SIN3B: variants seen among roughly 807,000 people sequenced by gnomAD.
SIN3B encodes the protein SIN3 transcription regulator family member B, also known as paired amphipathic helix protein Sin3b.
In SIN3B, 19 loss-of-function variants were observed where a neutral mutation model predicts 120.2. The observed-to-expected ratio is 0.16, with a 90% CI of 0.11 to 0.23. The LOEUF (loss-of-function observed/expected upper bound fraction) is 0.23, where lower values mean the gene tolerates loss of function less well. SIN3B is among the 10% of genes least tolerant of loss of function. The pLI is 1.00. For missense variants in SIN3B, 1,073 were observed against 1,573.0 expected, an observed-to-expected ratio of 0.68 and a Z score of 5.38; for synonymous variants, 654 against 653.2, an observed-to-expected ratio of 1.00 and a Z score of -0.02.
intron 14 of SIN3B, among the ~76,000 whole-genome samples, chr19:16,875,486 GGGTCTGGTCTGGTTTGGTCT>G (rs2051584348): frequency 7.4e-6 from 1 of 135,902 alleles, no homozygotes; most frequent in Non-Finnish European, 1.6e-5. Flanking sequence ...GGTCTGGTTT[GGGTCTGGTCTGGTTTGGTCT>G]GGTCTGGTCT....
intron 7 of SIN3B, among the ~76,000 whole-genome samples, chr19:16,853,360 G>T (rs138160277): frequency 6.6e-6 from 1 of 152,386 alleles, no homozygotes; most frequent in South Asian, 2.1e-4. Context: ...ACTGTGGGCA[G>T]GAGTCCCAGT....
intron 3 of SIN3B, among the ~76,000 whole-genome samples, chr19:16,836,521 GAAAA>G (rs1202675798): frequency 6.6e-6 from 1 of 152,198 alleles, no homozygotes; most frequent in African/African-American, 2.4e-5. Context: ...AAACGGCTAG[GAAAA>G]GAAGTTCAGA....
At chr19:16,857,547 G>A (rs1273720100) in intron 8 of SIN3B, among the ~76,000 whole-genome samples, 3 of 144,362 alleles carry the variant, frequency 2.1e-5, no homozygotes, top group African/African-American at 5.3e-5. Context: ...GTGTGTGTGT[G>A]TGTGTGTATA....
intron 7 of SIN3B, 67 bp downstream of exon 7, chr19:16,853,225 GGCCTGCCCCA>G (rs1281831117): frequency 2.1e-6 from 3 of 1,457,788 alleles, no homozygotes; most frequent in Non-Finnish European, 2.9e-6. Flanking sequence ...ATGCTCCCTG[GGCCTGCCCCA>G]GGATTGGGGC....
chr19:16,849,668 T>C lies in SIN3B; in HGVS notation c.727-1744T>C, dbSNP rs552020649. 3.9e-5 allele frequency among the ~76,000 whole-genome samples: 6 copies of C among 152,356 alleles called. No individual in the cohort carries two copies. In the South Asian group the frequency reaches 1.2e-3, roughly 32 times the overall value. On this transcript the variant is annotated intron_variant, in intron 5 of 18. Transcript: ENST00000248054. The stretch of plus-strand genomic sequence containing the variant: ...ATGTGAACTGTTGGGGAAGATCTGC[T>C]ATACCTGCTTGGTGAGCTTGGCTGG...
At chr19:16,829,610 A>G (rs1971251184) in intron 1 of SIN3B, 70 bp downstream of exon 1, 9 of 1,174,288 alleles carry the variant, frequency 7.7e-6, no homozygotes, top group Non-Finnish European at 9.5e-6. Context: ...CCCCTCACCC[A>G]GGCCCCGCCC....
In SIN3B at chr19:16,857,516, T is replaced by TA. The variant is rs1433494275; in HGVS notation, c.1058+3256dup. Among the ~76,000 whole-genome samples the TA allele has an allele frequency of 2.4e-5, 3 of 123,366 alleles. No individual in the cohort carries two copies. In the South Asian group the frequency reaches 7.7e-4, roughly 32 times the overall value. The allele number at this position is 123,366 out of a possible 152,430, so 80.9% of individuals were successfully genotyped here. On this transcript the variant is annotated intron_variant, in intron 8 of 18. Transcript: ENST00000248054. ...CCCTTTTGCATTAACTTAAAAAAAA[T>TA]ATGTGTGTGTGTGTGTGTGTGTGTG...
chr19:16,833,075 G>C (rs2144571764), intron 3 of SIN3B, among the ~76,000 whole-genome samples: 1 of 152,236 alleles, frequency 6.6e-6, no homozygotes, highest in East Asian at 1.9e-4. Context: ...GTGTCTCCCT[G>C]GGGGGCAAAA....
chr19:16,874,952 G>C (rs2144629712), intron 14 of SIN3B, among the ~76,000 whole-genome samples: 1 of 150,834 alleles, frequency 6.6e-6, no homozygotes, highest in East Asian at 2.0e-4. Flanking sequence ...GATCTGATCT[G>C]GTCTGGTTTT....
At chr19:16,872,789 G>A (rs1414690517) in intron 14 of SIN3B, 2 of 152,184 alleles carry the variant, frequency 1.3e-5, no homozygotes, top group Non-Finnish European at 2.9e-5. Context: ...GCCTCGAGCT[G>A]TGTGTTAACA....
At chr19:16,867,777 C>T (rs1971797848) in intron 12 of SIN3B, among the ~76,000 whole-genome samples, 1 of 152,180 alleles carries the variant, frequency 6.6e-6, no homozygotes, top group African/African-American at 2.4e-5. Flanking sequence ...GTGGGGACCC[C>T]CTTCCCTCCC....
intron 4 of SIN3B, among the ~76,000 whole-genome samples, chr19:16,842,657 C>T (rs1193160756): frequency 6.6e-6 from 1 of 152,110 alleles, no homozygotes; most frequent in East Asian, 1.9e-4. Context: ...GGGCCCAGCA[C>T]CAGGAGCTGG....
intron 14 of SIN3B, among the ~76,000 whole-genome samples, chr19:16,874,107 T>TC (rs755534294): frequency 6.6e-6 from 1 of 152,204 alleles, no homozygotes; most frequent in Non-Finnish European, 1.5e-5. Flanking sequence ...ATTCCTTCCT[T>TC]CTTCAGTGCA....
chr19:16,862,835 T>C lies in SIN3B; in HGVS notation c.1266+276T>C, dbSNP rs370473318. 13 of 1,404,658 alleles carry C rather than the reference T, an allele frequency of 9.3e-6. No homozygotes were observed. In the African/African-American group the frequency reaches 1.7e-4, roughly 18 times the overall value. 87.0% of individuals were successfully genotyped at this position (1,404,658 alleles called of 1,614,324 possible). ...ATTTGACTTAGGTTTATTGCTGCCA[T>C]GATTCTGCTCTGTCCCGGGCTCACT... On this transcript the variant is annotated intron_variant, in intron 9 of 18. Coordinates refer to ENST00000248054, the MANE Select transcript of SIN3B (RefSeq NM_001297595.2). This position sits in a 1 kb window ranked among gnomAD's most constrained non-coding sequence, Gnocchi z 4.7.
chr19:16,871,394 G>A lies in SIN3B; in HGVS notation c.2588G>A (p.Arg863Gln), dbSNP rs2051509003. Reference protein sequence around the residue: ...TMDKLVQNIARQLHHLVSDDV... With the variant: ...TMDKLVQNIAQQLHHLVSDDV... ...GACAAGCTGGTGCAGAACATTGCGCGGCAGGTGAGCCGGGCCGGGGTGGGG... is the reference window on the plus strand; with the variant it reads ...GACAAGCTGGTGCAGAACATTGCGCAGCAGGTGAGCCGGGCCGGGGTGGGG... The change falls in exon 14 of 19, where the codon CGG becomes CAG. Residue 863 changes from arginine to glutamine, a missense_variant. Physicochemically the swap from Arg to Gln is conservative, Grantham distance 43. Transcript: ENST00000248054. The A allele has an allele frequency of 6.2e-7, 1 of 1,602,174 alleles. No individual in the cohort carries two copies. Among genetic ancestry groups the A allele is most frequent in the Non-Finnish European group, 8.5e-7 (1 of 1,173,056 alleles).
intron 8 of SIN3B, 159 bp downstream of exon 8, chr19:16,854,420 G>T (rs947990604): frequency 1.2e-5 from 7 of 589,418 alleles, no homozygotes; most frequent in Middle Eastern, 4.4e-4. Context: ...CCATGCATTT[G>T]TAAGGAGCAA....
rs564410244 is a variant in SIN3B, at chr19:16,842,097, G to T, written c.582+129G>T. 18 of 896,192 alleles carry T rather than the reference G, an allele frequency of 2.0e-5. No homozygotes were observed. In the African/African-American group the frequency reaches 2.7e-4, roughly 14 times the overall value. 55.5% of individuals were successfully genotyped at this position (896,192 alleles called of 1,614,324 possible). A position where few individuals can be genotyped will look rare whatever the true frequency, so the allele number is the denominator to read the frequency against. On this transcript the variant is annotated intron_variant, in intron 4 of 18. Coordinates refer to ENST00000248054, the MANE Select transcript of SIN3B (RefSeq NM_001297595.2). ...ATTCTAATTAGTTGTGGGGTTTTTT[G>T]TTTGTTTTTTCTTAGAGTCTGGCTC... is the stretch of plus-strand genomic sequence containing the variant.
At chr19:16,853,929 C>T (rs1214518865) in intron 7 of SIN3B, among the ~76,000 whole-genome samples, 6 of 148,650 alleles carry the variant, frequency 4.0e-5, no homozygotes, top group Non-Finnish European at 7.4e-5. Context: ...ATTATGTGCA[C>T]GGGCTGTGAA....
intron 9 of SIN3B, chr19:16,863,057 C>A (rs924844273): frequency 1.8e-6 from 2 of 1,106,168 alleles, no homozygotes; most frequent in African/African-American, 1.5e-5. Flanking sequence ...ACAGACACAA[C>A]CATTCCTTTA....
Sources: gnomAD v4.1 joint callset for allele counts (sites outside exome capture counted in the v4.1 genomes callset) on GRCh38, gnomAD v4.1.1 for gene constraint, Gnocchi (gnomAD v3.1) non-coding constraint, MANE v1.5 for transcripts, NCBI Gene and HGNC (gene_info 2026-07-23, HGNC 2026-07-21) for gene names.